The following GNG7 variants were observed in gnomAD, a reference collection of about 807,000 sequenced individuals.
GNG7 encodes the protein guanine nucleotide-binding protein G(I)/G(S)/G(O) subunit gamma-7.
In GNG7, 1 loss-of-function variant was observed where a neutral mutation model predicts 4.0. The observed-to-expected ratio is 0.25, with a 90% CI of 0.09 to 1.18. GNG7 has a LOEUF of 1.18. GNG7 is among the 50% of genes most tolerant of loss of function. GNG7 has a pLI of 0.50. For missense variants in GNG7, 86 were observed against 91.9 expected (o/e 0.94, Z 0.26); for synonymous variants, 34 against 36.9 (o/e 0.92, Z 0.29).
chr19:2,530,776 G>A (rs931527271), intron 3 of GNG7, among the ~76,000 whole-genome samples: 8 of 152,160 alleles, frequency 5.3e-5, no homozygotes, highest in Admixed American at 1.3e-4. Context: ...GGCCTGCAGG[G>A]TTATTAAGAT....
intron 1 of GNG7, among the ~76,000 whole-genome samples, chr19:2,689,150 A>AC (rs1913073914): frequency 6.6e-6 from 1 of 151,722 alleles, no homozygotes; most frequent in Non-Finnish European, 1.5e-5. Context: ...ATAAATACAT[A>AC]CAATAAATAA....
intron 3 of GNG7, among the ~76,000 whole-genome samples, chr19:2,522,876 C>CT (rs1344242922): frequency 1.4e-5 from 2 of 145,466 alleles, no homozygotes; most frequent in East Asian, 2.3e-4. Context: ...TTTAAGAGGA[C>CT]TTTTTTTAGA....
chr19:2,531,303 C>CA (rs58133235), intron 3 of GNG7, among the ~76,000 whole-genome samples: 2,302 of 94,700 alleles, frequency 0.024, 125 homozygotes, highest in East Asian at 0.08. Context: ...GATTCCGTCT[C>CA]AAAAAAAAAA....
chr19:2,627,719 G>A (rs901149415), intron 2 of GNG7, among the ~76,000 whole-genome samples: 7 of 152,196 alleles, frequency 4.6e-5, no homozygotes, highest in East Asian at 3.8e-4. Flanking sequence ...CCTCAACACC[G>A]GCAGCTGACT....
intron 2 of GNG7, among the ~76,000 whole-genome samples, chr19:2,575,089 C>CTTTT (rs34248001): frequency 2.2e-5 from 3 of 138,832 alleles, no homozygotes; most frequent in African/African-American, 8.2e-5. Context: ...TTCTTTCTTT[C>CTTTT]TTTTTTTTTT....
chr19:2,547,891 C>T (rs765820552), intron 3 of GNG7, among the ~76,000 whole-genome samples: 3 of 152,214 alleles, frequency 2.0e-5, no homozygotes, highest in Non-Finnish European at 2.9e-5. Context: ...CATGGGCACA[C>T]GTGGCCTGGT....
At position 2,562,290 on chromosome 19, in the gene GNG7, C is replaced by CT. The variant is rs5826772; in HGVS notation, c.-77-7103dup. Among the ~76,000 whole-genome samples, 610 of 116,138 alleles carry CT rather than the reference C, an allele frequency of 5.3e-3. 5 individuals carry two copies. Among genetic ancestry groups the CT allele is most frequent in the African/African-American group, 9.7e-3 (349 of 36,088 alleles). 76.2% of individuals were successfully genotyped at this position (116,138 alleles called of 152,430 possible). On this transcript the variant is annotated intron_variant, in intron 2 of 4. Coordinates refer to ENST00000382159, the MANE Select transcript of GNG7 (RefSeq NM_052847.3). Reference sequence around the variant, plus strand: ...CTTTTTCTTTTCTTTCTTTTTCTTTCTTTTTTTTTTTGAGACAGAGTCTGG... The same window carrying CT: ...CTTTTTCTTTTCTTTCTTTTTCTTTCTTTTTTTTTTTTGAGACAGAGTCTGG...
intron 3 of GNG7, among the ~76,000 whole-genome samples, chr19:2,531,542 G>A (rs1034092962): frequency 1.4e-4 from 22 of 152,070 alleles, no homozygotes; most frequent in Middle Eastern, 3.4e-3. Flanking sequence ...CAGGCCGGGC[G>A]CGGTGGCTCA....
intron 2 of GNG7, among the ~76,000 whole-genome samples, chr19:2,612,995 G>A (rs2144824518): frequency 6.6e-6 from 1 of 152,206 alleles, no homozygotes; most frequent in East Asian, 1.9e-4. Flanking sequence ...CCTGGCCAAC[G>A]TCGGACATTT....
At chr19:2,600,486 T>G (rs1051334259) in intron 2 of GNG7, among the ~76,000 whole-genome samples, 20 of 141,314 alleles carry the variant, frequency 1.4e-4, no homozygotes, top group East Asian at 1.1e-3. Context: ...TTTTTTTTTT[T>G]TGTGAGATGG....
intron 1 of GNG7, among the ~76,000 whole-genome samples, chr19:2,672,590 G>A (rs563615351): frequency 1.3e-5 from 2 of 151,992 alleles, no homozygotes; most frequent in East Asian, 1.9e-4. Context: ...GGGATTACAA[G>A]TGTGTGTCAC....
intron 4 of GNG7, among the ~76,000 whole-genome samples, chr19:2,518,878 C>G (rs895440961): frequency 4.6e-5 from 7 of 152,078 alleles, no homozygotes; most frequent in Admixed American, 6.6e-5. Flanking sequence ...TCACTGCAAC[C>G]TCTGCCTCTC....
intron 2 of GNG7, among the ~76,000 whole-genome samples, chr19:2,571,198 AG>A (rs1336048625): frequency 1.3e-5 from 2 of 152,170 alleles, no homozygotes; most frequent in African/African-American, 4.8e-5. Context: ...GACGACGCCC[AG>A]TGTCTTCTAG....
At position 2,614,706 on chromosome 19, in the gene GNG7, A is replaced by G. The variant is rs1223116808; in HGVS notation, c.-78+31518T>C. On this transcript the variant is annotated intron_variant, in intron 2 of 4. Transcript: ENST00000382159. This position sits in a 1 kb window ranked among gnomAD's most constrained non-coding sequence, Gnocchi z 6.0. ...TTACCCACGGACGGACACTTGGGTC[A>G]TTTCCACCTTTTAGCCATTGTGAAT... 6.6e-6 allele frequency among the ~76,000 whole-genome samples: 1 copy of G among 152,160 alleles called. No individual in the cohort carries two copies. The highest frequency in any genetic ancestry group is 6.6e-5 in the Admixed American group (1 of 15,264).
chr19:2,511,694 G>A lies in GNG7; in HGVS notation c.*3328C>T, dbSNP rs1377386729. On this transcript the variant is annotated 3_prime_UTR_variant, in exon 5 of 5. Transcript: ENST00000382159. The surrounding 1 kb of genome is among the most constrained non-coding windows in gnomAD (Gnocchi z 6.3). ...TGGATGCGTGGCCTGGAGGCCTAGC[G>A]TTGCGCCTCGGACACGGTGGCCGGC... is the stretch of plus-strand genomic sequence containing the variant. 9.9e-6 allele frequency: 6 copies of A among 603,846 alleles called. No individual in the cohort carries two copies. The highest frequency in any genetic ancestry group is 7.3e-5 in the South Asian group (1 of 13,736). The allele number at this position is 603,846 out of a possible 1,614,324, so 37.4% of individuals were successfully genotyped here.
intron 3 of GNG7, among the ~76,000 whole-genome samples, chr19:2,524,329 CTGTG>C (rs139354674): frequency 3.3e-5 from 5 of 152,120 alleles, no homozygotes; most frequent in Non-Finnish European, 7.4e-5. Flanking sequence ...GAGGACTGCG[CTGTG>C]TGTGTGTGTC....
chr19:2,686,412 C>G (rs531363322), intron 1 of GNG7, among the ~76,000 whole-genome samples: 3 of 152,284 alleles, frequency 2.0e-5, no homozygotes, highest in East Asian at 3.9e-4. Flanking sequence ...CCCACCTCGG[C>G]CTCCCAAAGT....
intron 4 of GNG7, among the ~76,000 whole-genome samples, chr19:2,518,091 G>C (rs950022773): frequency 1.3e-5 from 2 of 152,204 alleles, no homozygotes; most frequent in African/African-American, 2.4e-5. Context: ...TCCAGCACGT[G>C]GCACCTTGGC....
At chr19:2,517,884 G>A (rs374729147) in intron 4 of GNG7, among the ~76,000 whole-genome samples, 8 of 152,122 alleles carry the variant, frequency 5.3e-5, no homozygotes, top group East Asian at 3.9e-4. Flanking sequence ...CCCTTCAAAC[G>A]GCCAGGAGCC....
Sources: allele counts gnomAD v4.1 joint callset (sites outside exome capture counted in the v4.1 genomes callset), GRCh38; gene constraint gnomAD v4.1.1; non-coding constraint Gnocchi (gnomAD v3.1); transcripts MANE v1.5; gene names NCBI Gene and HGNC (gene_info 2026-07-23, HGNC 2026-07-21).